SYTL3: variants seen among roughly 807,000 people sequenced by gnomAD.
SYTL3 encodes the protein synaptotagmin-like protein 3.
Under a neutral mutation model 82.1 loss-of-function variants are expected in SYTL3, and 88 were observed. The ratio of observed to expected loss-of-function variants is 1.07; its 90% CI spans 0.90 to 1.28. SYTL3 has a LOEUF of 1.28. Among genes scored for constraint, SYTL3 ranks in the 50% most tolerant of loss-of-function variants. The pLI is 0.00. For synonymous variants in SYTL3, 311 were observed against 289.4 expected (o/e 1.07, Z -0.76); for missense variants, 831 against 757.6 (o/e 1.10, Z -1.14).
At chr6:158,653,776 C>G (rs568711554) in intron 2 of SYTL3, among the ~76,000 whole-genome samples, 1 of 152,322 alleles carries the variant, frequency 6.6e-6, no homozygotes, top group African/African-American at 2.4e-5. Flanking sequence ...GTGGTGATGA[C>G]AGTCACATTC....
At chr6:158,718,347 T>A in intron 10 of SYTL3, 136 bp downstream of exon 10, 1 of 1,058,172 alleles carries the variant, frequency 9.5e-7, no homozygotes, top group Non-Finnish European at 1.3e-6. Context: ...AAAACATAAT[T>A]ACCAGTCAGT....
chr6:158,692,731 A>T (rs9456339), intron 6 of SYTL3, among the ~76,000 whole-genome samples: 38,092 of 149,758 alleles, frequency 0.25, 5,140 homozygotes, highest in Non-Finnish European at 0.28. Context: ...AGATCAGGAG[A>T]TGGAGACCAT....
At chr6:158,650,207 A>G (rs1309771416) in intron 1 of SYTL3, 129 bp downstream of exon 1, 8 of 152,238 alleles carry the variant, frequency 5.3e-5, no homozygotes, top group Non-Finnish European at 1.2e-4. Context: ...GAAACAAAAC[A>G]TAATAAATTA....
intron 11 of SYTL3, among the ~76,000 whole-genome samples, chr6:158,734,439 C>G (rs1228392985): frequency 6.6e-6 from 1 of 152,080 alleles, no homozygotes; most frequent in East Asian, 1.9e-4. Flanking sequence ...TGTGACCTGC[C>G]CACCACTCTG....
chr6:158,741,524 T>C (rs998597786), intron 11 of SYTL3, among the ~76,000 whole-genome samples: 2 of 152,158 alleles, frequency 1.3e-5, no homozygotes, highest in Non-Finnish European at 2.9e-5. Context: ...ATGTAATGGT[T>C]TCGCTGGGAT....
chr6:158,722,900 G>A lies in SYTL3; in HGVS notation c.721-2603G>A, dbSNP rs184590926. ...CCTGTCTCAGCCTCCTGAGTAGCTAGGACTACAGGCGCCTGCCACCACACC... is the reference window on the plus strand; with the variant it reads ...CCTGTCTCAGCCTCCTGAGTAGCTAAGACTACAGGCGCCTGCCACCACACC... On this transcript the variant is annotated intron_variant, in intron 10 of 17. Coordinates refer to ENST00000611299, the MANE Select transcript of SYTL3 (RefSeq NM_001242394.2). Among the ~76,000 whole-genome samples, 149 of 150,288 alleles carry A rather than the reference G, an allele frequency of 9.9e-4. 1 individual carries two copies. The highest frequency in any genetic ancestry group is 3.5e-3 in the African/African-American group (142 of 40,798).
chr6:158,676,998 C>T (rs1356940683), intron 5 of SYTL3, among the ~76,000 whole-genome samples: 3 of 152,062 alleles, frequency 2.0e-5, no homozygotes, highest in East Asian at 1.9e-4. Context: ...GACAGTGTGG[C>T]GATTCCTCAA....
chr6:158,697,116 C>T (rs1371644917), intron 6 of SYTL3, among the ~76,000 whole-genome samples: 1 of 151,410 alleles, frequency 6.6e-6, no homozygotes, highest in African/African-American at 2.4e-5. Flanking sequence ...CATCAAATAC[C>T]TAAAGATAAG....
At chr6:158,703,887 T>C (rs1422477572) in intron 6 of SYTL3, among the ~76,000 whole-genome samples, 1 of 150,900 alleles carries the variant, frequency 6.6e-6, no homozygotes, top group African/African-American at 2.4e-5. Flanking sequence ...TCTCCCAGGC[T>C]GGAGTGCAGT....
chr6:158,684,895 T>C (rs1211117601), intron 6 of SYTL3, among the ~76,000 whole-genome samples: 1 of 151,490 alleles, frequency 6.6e-6, no homozygotes. Context: ...TGTCAGGCAA[T>C]GGAATGAAGC....
In SYTL3 at chr6:158,692,257, C is replaced by CAAAAAAAA. The variant is rs571381475; in HGVS notation, c.394+9299_394+9306dup. On this transcript the variant is annotated intron_variant, in intron 6 of 17. Transcript: ENST00000611299. ...TGGGCGACAGAGCGAGACTCCGTCT[C>CAAAAAAAA]AAAAAAAAAAAAAAAAAAAAAAAAA... 7.8e-4 allele frequency among the ~76,000 whole-genome samples: 25 copies of CAAAAAAAA among 32,196 alleles called. 4 individuals are homozygous for CAAAAAAAA. Among genetic ancestry groups the CAAAAAAAA allele is most frequent in the Admixed American group, 1.4e-3 (2 of 1,412 alleles). 21.1% of individuals were successfully genotyped at this position (32,196 alleles called of 152,430 possible).
intron 5 of SYTL3, among the ~76,000 whole-genome samples, chr6:158,668,528 C>T (rs1790371928): frequency 6.7e-6 from 1 of 149,658 alleles, no homozygotes; most frequent in Admixed American, 6.6e-5. Context: ...TGCGCCCGGC[C>T]GGCAGAGTCT....
chr6:158,675,766 T>C (rs1036797223), intron 5 of SYTL3, among the ~76,000 whole-genome samples: 1 of 152,126 alleles, frequency 6.6e-6, no homozygotes, highest in Non-Finnish European at 1.5e-5. Context: ...GCTAACATGG[T>C]GAAACCCTGT....
At chr6:158,762,251 G>A (rs41267137) in intron 16 of SYTL3, 73 bp downstream of exon 16, 26,030 of 1,101,514 alleles carry the variant, frequency 0.024, 349 homozygotes, top group Non-Finnish European at 0.028. Context: ...AACCTGCAGC[G>A]AACACTAAAA....
upstream of SYTL3, among the ~76,000 whole-genome samples, chr6:158,648,908 G>T (rs55789147): frequency 0.14 from 20,737 of 152,204 alleles, 1,591 homozygotes; most frequent in Middle Eastern, 0.2. Context: ...TAGCTAAGAA[G>T]TGCCTATATT....
chr6:158,763,680 TAC>T (rs1790320440), intron 17 of SYTL3, among the ~76,000 whole-genome samples, 171 bp downstream of exon 17: 1 of 152,208 alleles, frequency 6.6e-6, no homozygotes, highest in Admixed American at 6.5e-5. Flanking sequence ...TGAGCCATAA[TAC>T]AGCCAAGTAT....
At chr6:158,755,776 GC>G (rs1183950140) in intron 13 of SYTL3, among the ~76,000 whole-genome samples, 1 of 152,218 alleles carries the variant, frequency 6.6e-6, no homozygotes, top group Non-Finnish European at 1.5e-5. Context: ...CACAGCAACA[GC>G]CGTGTCACGA....
At chr6:158,658,876 C>A (rs1042129387) in intron 2 of SYTL3, among the ~76,000 whole-genome samples, 2 of 152,110 alleles carry the variant, frequency 1.3e-5, no homozygotes, top group Non-Finnish European at 2.9e-5. Flanking sequence ...TTGCAGTGAG[C>A]AGAGATCATG....
At chr6:158,718,900 T>A (rs1019028532) in intron 10 of SYTL3, among the ~76,000 whole-genome samples, 5 of 152,144 alleles carry the variant, frequency 3.3e-5, no homozygotes, top group African/African-American at 1.2e-4. Flanking sequence ...AGAACTGGTG[T>A]CCCTTCTCTG....
Sources: gnomAD v4.1 joint callset for allele counts (sites outside exome capture counted in the v4.1 genomes callset) on GRCh38, gnomAD v4.1.1 for gene constraint, MANE v1.5 for transcripts, NCBI Gene and HGNC (gene_info 2026-07-23, HGNC 2026-07-21) for gene names.